The following RHBDD1 variants were observed in gnomAD, a reference collection of about 807,000 sequenced individuals.
RHBDD1 encodes the protein rhomboid domain containing 1.
Under a neutral mutation model 36.3 loss-of-function variants are expected in RHBDD1, and 38 were observed. The observed-to-expected ratio is 1.05, with a 90% CI of 0.81 to 1.37. The LOEUF (loss-of-function observed/expected upper bound fraction) is 1.37. Among genes scored for constraint, RHBDD1 ranks in the 40% most tolerant of loss-of-function variants. The pLI, the probability that RHBDD1 is intolerant of heterozygous loss-of-function variation, is 0.00. For synonymous variants in RHBDD1, 151 were observed against 136.5 expected (o/e 1.11, Z -0.74); for missense variants, 393 against 377.6 (o/e 1.04, Z -0.34).
chr2:226,853,684 C>T (rs1051511848), intron 3 of RHBDD1, among the ~76,000 whole-genome samples: 1 of 152,218 alleles, frequency 6.6e-6, no homozygotes, highest in Non-Finnish European at 1.5e-5. Flanking sequence ...CTAAATTGGG[C>T]ACAAGATGTA....
At chr2:226,989,426 A>G (rs752014125) in intron 8 of RHBDD1, among the ~76,000 whole-genome samples, 2 of 152,218 alleles carry the variant, frequency 1.3e-5, no homozygotes, top group Non-Finnish European at 2.9e-5. Flanking sequence ...TTATAAGTGC[A>G]GGAAATATTG....
At chr2:226,802,664 A>G in the RHBDD1 span, among the ~76,000 whole-genome samples, 3 of 152,274 alleles carry the variant, frequency 2.0e-5, no homozygotes, top group Non-Finnish European at 4.4e-5. Flanking sequence ...GAACAGAAGA[A>G]CAAGCTATTA....
At chr2:226,990,524 T>G (rs995278307) in intron 8 of RHBDD1, among the ~76,000 whole-genome samples, 1 of 152,210 alleles carries the variant, frequency 6.6e-6, no homozygotes, top group Non-Finnish European at 1.5e-5. Context: ...GATCTATGAA[T>G]AGCAGCAAAT....
intron 8 of RHBDD1, among the ~76,000 whole-genome samples, chr2:226,944,080 A>C (rs758259333): frequency 6.6e-6 from 1 of 151,958 alleles, no homozygotes; most frequent in South Asian, 2.1e-4. Flanking sequence ...GACAGGGGGA[A>C]GTGAAAGACC....
chr2:226,970,615 C>G (rs1055166551), intron 8 of RHBDD1, among the ~76,000 whole-genome samples: 1 of 152,176 alleles, frequency 6.6e-6, no homozygotes, highest in Non-Finnish European at 1.5e-5. Context: ...TCAAACATAG[C>G]GAGAGGCACT....
intron 8 of RHBDD1, among the ~76,000 whole-genome samples, chr2:226,931,271 T>C (rs1162176617): frequency 2.6e-5 from 4 of 151,880 alleles, no homozygotes; most frequent in African/African-American, 9.7e-5. Flanking sequence ...GTAAAGAAAA[T>C]GTGATATATA....
chr2:226,987,241 G>A (rs988856930), intron 8 of RHBDD1, among the ~76,000 whole-genome samples: 14 of 152,086 alleles, frequency 9.2e-5, no homozygotes, highest in African/African-American at 3.1e-4. Flanking sequence ...GGCTTATAAC[G>A]AGATGACAGG....
intron 3 of RHBDD1, among the ~76,000 whole-genome samples, chr2:226,851,104 G>T (rs556013175): frequency 1.4e-4 from 21 of 152,066 alleles, no homozygotes; most frequent in Non-Finnish European, 2.9e-4. Context: ...GTGGAAGATG[G>T]TCAGTATGTT....
At chr2:226,807,557 C>A in the RHBDD1 span, 1 of 152,102 alleles carries the variant, frequency 6.6e-6, no homozygotes, top group Non-Finnish European at 1.5e-5. Flanking sequence ...ATGTTCCATG[C>A]AGAGGAAATG....
intron 5 of RHBDD1, among the ~76,000 whole-genome samples, chr2:226,874,992 TC>T (rs1173480546): frequency 6.6e-6 from 1 of 152,200 alleles, no homozygotes; most frequent in Non-Finnish European, 1.5e-5. Context: ...CCCTGATTCC[TC>T]CAGGCAGTGT....
intron 8 of RHBDD1, among the ~76,000 whole-genome samples, chr2:226,990,987 C>T (rs954227208): frequency 6.6e-6 from 1 of 152,214 alleles, no homozygotes; most frequent in Non-Finnish European, 1.5e-5. Flanking sequence ...CACTCCAGCT[C>T]TGTCAGTCAC....
intron 8 of RHBDD1, among the ~76,000 whole-genome samples, chr2:226,929,926 CA>C (rs1559283930): frequency 6.6e-6 from 1 of 151,666 alleles, no homozygotes; most frequent in Non-Finnish European, 1.5e-5. Flanking sequence ...AAAAACAAAA[CA>C]AAACAAAACA....
intron 8 of RHBDD1, among the ~76,000 whole-genome samples, chr2:226,995,021 A>G (rs1228302162): frequency 6.6e-6 from 1 of 152,130 alleles, no homozygotes; most frequent in Non-Finnish European, 1.5e-5. Context: ...GGAGCACCCA[A>G]AGGCTGATCA....
At chr2:226,902,874 T>C (rs1311762226) in intron 5 of RHBDD1, among the ~76,000 whole-genome samples, 1 of 152,202 alleles carries the variant, frequency 6.6e-6, no homozygotes, top group East Asian at 1.9e-4. Context: ...TAGAGATAGA[T>C]AAGAAATTCA....
chr2:226,810,076 G>C, the RHBDD1 span, among the ~76,000 whole-genome samples: 1 of 152,156 alleles, frequency 6.6e-6, no homozygotes, highest in African/African-American at 2.4e-5. Flanking sequence ...GCAGGCATTA[G>C]GAGTGGCAAC....
intron 8 of RHBDD1, among the ~76,000 whole-genome samples, chr2:226,988,933 A>T (rs1957585614): frequency 6.6e-6 from 1 of 152,214 alleles, no homozygotes; most frequent in Non-Finnish European, 1.5e-5. Context: ...ATTTGCAGTG[A>T]GCCTTATTTA....
Position 226,922,202 on chromosome 2 carries a change from C to CTTTTTT in RHBDD1, c.856+7869_856+7874dup, listed in dbSNP as rs1017204610. ...TCCACTGGAATTAAGTATCTTTTTC[C>CTTTTTT]TTTTTTTTTTTTTTTTTTTTTTTGA... On this transcript the variant is annotated intron_variant, in intron 8 of 8. Transcript: ENST00000392062. 9.0e-4 allele frequency among the ~76,000 whole-genome samples: 94 copies of CTTTTTT among 105,022 alleles called. 1 individual carries two copies. Among genetic ancestry groups the CTTTTTT allele is most frequent in the African/African-American group, 2.0e-3 (53 of 26,192 alleles). The allele number at this position is 105,022 out of a possible 152,430, so 68.9% of individuals were successfully genotyped here. A position where few individuals can be genotyped will look rare whatever the true frequency, so the allele number is the denominator to read the frequency against.
chr2:226,961,438 A>G (rs553376670), intron 8 of RHBDD1, among the ~76,000 whole-genome samples: 43 of 152,258 alleles, frequency 2.8e-4, no homozygotes, highest in African/African-American at 9.9e-4. Flanking sequence ...ATTTCAATCA[A>G]TTTTGGAAAT....
chr2:226,939,273 G>A (rs1315975650), intron 8 of RHBDD1, among the ~76,000 whole-genome samples: 1 of 152,146 alleles, frequency 6.6e-6, no homozygotes, highest in Non-Finnish European at 1.5e-5. Flanking sequence ...TGGAAGTTCC[G>A]GCCAGGGCAA....
Sources: allele counts gnomAD v4.1 joint callset (sites outside exome capture counted in the v4.1 genomes callset), GRCh38; gene constraint gnomAD v4.1.1; transcripts MANE v1.5; gene names NCBI Gene and HGNC (gene_info 2026-07-23, HGNC 2026-07-21).